The following RDX variants were observed in gnomAD, a reference collection of about 807,000 sequenced individuals.
RDX encodes the protein radixin.
Under a neutral mutation model 83.7 loss-of-function variants are expected in RDX, and 32 were observed. The ratio of observed to expected loss-of-function variants is 0.38; its 90% CI spans 0.29 to 0.51. The LOEUF is 0.51. Ranked by LOEUF, RDX falls within the 20% of genes least tolerant of loss-of-function variation. RDX has a pLI of 0.87. For missense variants in RDX, 600 were observed against 689.9 expected, an observed-to-expected ratio of 0.87 and a Z score of 1.46; for synonymous variants, 229 against 222.7, an observed-to-expected ratio of 1.03 and a Z score of -0.25.
chr11:110,227,484 G>C (rs1045666188), downstream of RDX, among the ~76,000 whole-genome samples: 4 of 152,086 alleles, frequency 2.6e-5, no homozygotes, highest in African/African-American at 9.7e-5. Flanking sequence ...TTAGAATAGG[G>C]TGGTAAAAAT....
chr11:110,285,899 G>A (rs949704102), intron 1 of RDX, among the ~76,000 whole-genome samples: 3 of 151,558 alleles, frequency 2.0e-5, no homozygotes, highest in Non-Finnish European at 4.4e-5. Flanking sequence ...GGTCTTTCAA[G>A]TCTTTCTTTT....
chr11:110,232,437 T>C (rs1394452841), intron 13 of RDX, among the ~76,000 whole-genome samples: 2 of 152,264 alleles, frequency 1.3e-5, no homozygotes, highest in Non-Finnish European at 2.9e-5. Flanking sequence ...ATTTTAACAA[T>C]TAAAATATTA....
chr11:110,197,207 G>A (rs538884092), intron 15 of RDX, among the ~76,000 whole-genome samples: 2 of 151,958 alleles, frequency 1.3e-5, no homozygotes, highest in South Asian at 2.1e-4. Context: ...GCCTGTGCAT[G>A]GCTTTAGATG....
At chr11:110,281,247 C>T (rs143087749) in intron 1 of RDX, among the ~76,000 whole-genome samples, 1 of 151,970 alleles carries the variant, frequency 6.6e-6, no homozygotes, top group Admixed American at 6.6e-5. Flanking sequence ...TTAGGTAAGG[C>T]CATTTCCCTA....
chr11:110,264,446 C>A (rs929058698), intron 4 of RDX, among the ~76,000 whole-genome samples: 1 of 152,098 alleles, frequency 6.6e-6, no homozygotes, highest in Admixed American at 6.5e-5. Context: ...ATTCTAATAA[C>A]CAAATTGAAA....
Position 110,264,783 on chromosome 11 carries a change from T to G in RDX, c.188A>C (p.Lys63Thr), listed in dbSNP as rs1276316036. ...KGYSTWLKLN[K>T]KVTQQDVKKE... ...ATGTTATCGTACATATTTTACCTTT[T>G]TATTTAGTTTAAGCCATGTAGAATA... Residue 63 changes from lysine (K) to threonine (T), a missense_variant, in exon 4 of 14, where the codon AAA (lysine) becomes ACA (threonine). By Grantham distance (78) the Lys-to-Thr change is moderately conservative. Coordinates refer to ENST00000645495, the MANE Select transcript of RDX (RefSeq NM_002906.4). The G allele has an allele frequency of 6.2e-7, 1 of 1,604,198 alleles. No homozygotes were observed. Among genetic ancestry groups the G allele is most frequent in the Non-Finnish European group, 8.5e-7 (1 of 1,171,548 alleles).
intron 1 of RDX, among the ~76,000 whole-genome samples, chr11:110,282,033 G>A (rs1003270681): frequency 2.0e-5 from 3 of 150,898 alleles, no homozygotes; most frequent in Non-Finnish European, 4.4e-5. Flanking sequence ...GCAGGTTGAA[G>A]TGAGCTGAGA....
intron 15 of RDX, among the ~76,000 whole-genome samples, chr11:110,180,597 C>T (rs1035329583): frequency 3.9e-5 from 6 of 152,160 alleles, no homozygotes; most frequent in African/African-American, 1.2e-4. Context: ...GGCTCCAGGC[C>T]CCTTCATCAG....
intron 14 of RDX, among the ~76,000 whole-genome samples, chr11:110,204,890 T>C (rs1035604584): frequency 2.6e-5 from 4 of 152,162 alleles, no homozygotes; most frequent in Admixed American, 1.3e-4. Context: ...TTTTTTCCCA[T>C]ACAGGTTACA....
intron 15 of RDX, among the ~76,000 whole-genome samples, chr11:110,190,183 A>C (rs1019609138): frequency 3.3e-5 from 5 of 152,156 alleles, no homozygotes; most frequent in Non-Finnish European, 5.9e-5. Flanking sequence ...TATAGCACTA[A>C]ATGACTACTT....
chr11:110,205,511 T>TAA (rs1439752075), intron 14 of RDX, among the ~76,000 whole-genome samples: 3 of 149,200 alleles, frequency 2.0e-5, no homozygotes, highest in Non-Finnish European at 4.4e-5. Context: ...TCTAAAACAT[T>TAA]TAAATGTCAA....
At chr11:110,193,123 CCAT>C (rs1482254197) in intron 15 of RDX, among the ~76,000 whole-genome samples, 1 of 152,142 alleles carries the variant, frequency 6.6e-6, no homozygotes, top group African/African-American at 2.4e-5. Flanking sequence ...ACCTAGGTGC[CCAT>C]CAACAGTGGA....
chr11:110,295,879 GCGGGAGCGA>G lies in RDX; in HGVS notation c.-65+579_-65+587del, dbSNP rs1286342879. Reference sequence around the variant, plus strand: ...GGCCCTGGCCTGGCGGGTGCGAGCGGCGGGAGCGACTGGCGCCCCAAAGCCTGTCATGCA... The same window carrying G: ...GGCCCTGGCCTGGCGGGTGCGAGCGGCTGGCGCCCCAAAGCCTGTCATGCA... On this transcript the variant is annotated intron_variant, in intron 1 of 13. Coordinates refer to ENST00000645495, the MANE Select transcript of RDX (RefSeq NM_002906.4). 2.0e-5 allele frequency among the ~76,000 whole-genome samples: 3 copies of G among 152,170 alleles called. No individual in the cohort carries two copies. The South Asian group carries it at 6.2e-4, about 31-fold the overall frequency.
At chr11:110,177,427 C>G (rs1862798180) in intron 15 of RDX, among the ~76,000 whole-genome samples, 1 of 152,230 alleles carries the variant, frequency 6.6e-6, no homozygotes, top group Admixed American at 6.5e-5. Flanking sequence ...TCAGCTCCAG[C>G]GTCTAGGACA....
chr11:110,284,682 G>A (rs1399006682), intron 1 of RDX, among the ~76,000 whole-genome samples: 5 of 151,914 alleles, frequency 3.3e-5, no homozygotes, highest in African/African-American at 9.7e-5. Context: ...CACCACACCC[G>A]GCTAATTTTT....
At chr11:110,241,795 T>A (rs1287217112) in intron 10 of RDX, among the ~76,000 whole-genome samples, 1 of 152,046 alleles carries the variant, frequency 6.6e-6, no homozygotes, top group African/African-American at 2.4e-5. Flanking sequence ...GCAACCTGAG[T>A]GCCCATCAAC....
chr11:110,263,893 CG>C, intron 5 of RDX, 66 bp downstream of exon 5: 1 of 1,318,100 alleles, frequency 7.6e-7, no homozygotes, highest in South Asian at 1.3e-5. Flanking sequence ...ACCTGAAAAA[CG>C]TTTTATTTAT....
chr11:110,266,199 G>A (rs1412429120), intron 3 of RDX, among the ~76,000 whole-genome samples: 1 of 152,020 alleles, frequency 6.6e-6, no homozygotes, highest in Non-Finnish European at 1.5e-5. Flanking sequence ...TGGGCGTGGT[G>A]GCATGCGCCT....
intron 1 of RDX, among the ~76,000 whole-genome samples, chr11:110,281,322 ATT>A (rs754256440): frequency 8.4e-5 from 12 of 143,146 alleles, no homozygotes; most frequent in Non-Finnish European, 4.6e-5. Flanking sequence ...TCCTCCTGAG[ATT>A]TTTTTTTTTT....
Sources: gnomAD v4.1 joint callset for allele counts (sites outside exome capture counted in the v4.1 genomes callset) on GRCh38, gnomAD v4.1.1 for gene constraint, MANE v1.5 for transcripts, NCBI Gene and HGNC (gene_info 2026-07-23, HGNC 2026-07-21) for gene names.